Variants in SMYD3 observed in about 807,000 individuals in gnomAD.
The protein encoded by SMYD3 is histone-lysine N-methyltransferase SMYD3.
In SMYD3, 36 loss-of-function variants were observed where a neutral mutation model predicts 57.7. The observed-to-expected ratio is 0.62, with a 90% confidence interval of 0.48 to 0.82. The LOEUF (loss-of-function observed/expected upper bound fraction) is 0.82, where lower values mean the gene tolerates loss of function less well. Ranked by LOEUF, SMYD3 falls within the 40% of genes least tolerant of loss-of-function variation. The probability of loss-of-function intolerance (pLI) is 0.00; values close to 1 mark genes in which losing one functional copy is unlikely to be tolerated. For missense variants in SMYD3, 515 were observed against 538.8 expected, an observed-to-expected ratio of 0.96 and a Z score of 0.44; for synonymous variants, 211 against 195.0, an observed-to-expected ratio of 1.08 and a Z score of -0.68.
intron 5 of SMYD3, among the ~76,000 whole-genome samples, chr1:246,243,198 G>C (rs2063644852): frequency 6.6e-6 from 1 of 151,980 alleles, no homozygotes; most frequent in Admixed American, 6.6e-5. Flanking sequence ...TTATCTTTCA[G>C]AACTTTGAAA....
intron 11 of SMYD3, among the ~76,000 whole-genome samples, chr1:245,754,772 C>T (rs908775550): frequency 6.6e-6 from 1 of 152,236 alleles, no homozygotes; most frequent in Non-Finnish European, 1.5e-5. Flanking sequence ...TCAATACTGT[C>T]TGAGCAGCTT....
At chr1:246,094,871 G>A (rs1014008348) in intron 5 of SMYD3, among the ~76,000 whole-genome samples, 1 of 152,098 alleles carries the variant, frequency 6.6e-6, no homozygotes, top group Admixed American at 6.5e-5. Flanking sequence ...AGCGTATCTC[G>A]GAGCCTCTCT....
chr1:246,216,244 G>A (rs562939712), intron 5 of SMYD3, among the ~76,000 whole-genome samples: 5 of 149,842 alleles, frequency 3.3e-5, no homozygotes, highest in Admixed American at 6.7e-5. Context: ...CCGAGATAGC[G>A]CCATGGCACT....
At chr1:246,468,160 TA>T (rs58291905) in intron 1 of SMYD3, among the ~76,000 whole-genome samples, 6,533 of 130,340 alleles carry the variant, frequency 0.05, 465 homozygotes, top group African/African-American at 0.17. Context: ...GACTCTGTCT[TA>T]AAAAAAAAAA....
chr1:246,289,145 TGTTA>T (rs1175235822), intron 5 of SMYD3, among the ~76,000 whole-genome samples: 1 of 152,128 alleles, frequency 6.6e-6, no homozygotes, highest in African/African-American at 2.4e-5. Context: ...AAAAAGCGAT[TGTTA>T]ATTAAAATTA....
chr1:245,886,621 T>A (rs1035208017), intron 8 of SMYD3, among the ~76,000 whole-genome samples: 3 of 152,166 alleles, frequency 2.0e-5, no homozygotes, highest in Non-Finnish European at 4.4e-5. Context: ...TCATTCTTTG[T>A]GGGGGAGGAA....
chr1:246,211,025 T>C lies in SMYD3; in HGVS notation c.531+116176A>G, dbSNP rs543366306. Among the ~76,000 whole-genome samples, 7 of 152,262 alleles carry C rather than the reference T, an allele frequency of 4.6e-5. No individual in the cohort carries two copies. In the South Asian group the frequency reaches 1.5e-3, roughly 32 times the overall value. On this transcript the variant is annotated intron_variant, in intron 5 of 11. Transcript: ENST00000490107. ...TCAATGCTGTATTTCCTCTTCACCATTTTCCTGAAGATTGAGACACTGCTC... is the reference window on the plus strand; with the variant it reads ...TCAATGCTGTATTTCCTCTTCACCACTTTCCTGAAGATTGAGACACTGCTC...
intron 5 of SMYD3, among the ~76,000 whole-genome samples, chr1:246,015,341 T>C (rs2059359738): frequency 6.6e-6 from 1 of 152,182 alleles, no homozygotes; most frequent in South Asian, 2.1e-4. Context: ...AGTTCCCCTA[T>C]CCAACAATCT....
chr1:246,307,558 T>C (rs1277662544), intron 5 of SMYD3, among the ~76,000 whole-genome samples: 2 of 151,200 alleles, frequency 1.3e-5, no homozygotes, highest in Non-Finnish European at 3.0e-5. Context: ...TAGCTGGGAC[T>C]ACAGGCGCCC....
chr1:245,882,115 C>T (rs1021971182), intron 8 of SMYD3, among the ~76,000 whole-genome samples: 4 of 152,106 alleles, frequency 2.6e-5, no homozygotes, highest in African/African-American at 9.7e-5. Context: ...ACAGGCAGAC[C>T]GCTTAGGGAG....
chr1:245,824,267 C>A (rs535214806), intron 10 of SMYD3, among the ~76,000 whole-genome samples: 1 of 152,198 alleles, frequency 6.6e-6, no homozygotes, highest in African/African-American at 2.4e-5. Flanking sequence ...GCAAATGACA[C>A]GAAGGAAGAG....
chr1:246,091,625 C>T (rs1041981484), intron 5 of SMYD3, among the ~76,000 whole-genome samples: 2 of 152,280 alleles, frequency 1.3e-5, no homozygotes, highest in Admixed American at 6.5e-5. Flanking sequence ...TACCACTGCA[C>T]ACTGACAGGC....
At chr1:246,325,854 G>A (rs988026528) in intron 5 of SMYD3, 2 of 152,172 alleles carry the variant, frequency 1.3e-5, no homozygotes, top group African/African-American at 4.8e-5. Flanking sequence ...GTAGGTGTTC[G>A]TGTTTATAGT....
chr1:245,918,364 C>G (rs2055600965), intron 7 of SMYD3, among the ~76,000 whole-genome samples: 1 of 152,182 alleles, frequency 6.6e-6, no homozygotes, highest in African/African-American at 2.4e-5. Context: ...GCTTCTCATA[C>G]TTGGCAGGGA....
chr1:245,897,865 C>T (rs990218113), intron 8 of SMYD3, among the ~76,000 whole-genome samples: 1 of 151,636 alleles, frequency 6.6e-6, no homozygotes, highest in African/African-American at 2.4e-5. Flanking sequence ...TGCCACTGCA[C>T]TGCAGCCTAG....
intron 11 of SMYD3, among the ~76,000 whole-genome samples, chr1:245,754,399 A>G (rs1321222834): frequency 1.3e-5 from 2 of 152,138 alleles, no homozygotes; most frequent in African/African-American, 4.8e-5. Flanking sequence ...CATGATAAGA[A>G]CCCCTGGAAT....
chr1:246,458,709 G>A (rs1355333620), intron 1 of SMYD3, among the ~76,000 whole-genome samples: 2 of 134,540 alleles, frequency 1.5e-5, no homozygotes, highest in African/African-American at 5.6e-5. Flanking sequence ...CTCGTGATCC[G>A]CCCGCCTCAG....
intron 1 of SMYD3, among the ~76,000 whole-genome samples, chr1:246,472,514 G>A (rs553253050): frequency 6.6e-6 from 1 of 152,100 alleles, no homozygotes; most frequent in Non-Finnish European, 1.5e-5. Context: ...AGGCCAAGAC[G>A]GGCAGATCAG....
At position 245,859,735 on chromosome 1, in the gene SMYD3, T is replaced by C. The variant is rs534326048; in HGVS notation, c.902-1065A>G. ...TTCACCCAGTGGAGCTCCAAATTCA[T>C]CTGCTTCATATGTTGTCATTCCAGT... is the stretch of plus-strand genomic sequence containing the variant. On this transcript the variant is annotated intron_variant, in intron 9 of 11. Coordinates refer to ENST00000490107, the MANE Select transcript of SMYD3 (RefSeq NM_001167740.2). Among the ~76,000 whole-genome samples, 23 of 152,294 alleles carry C rather than the reference T, an allele frequency of 1.5e-4. 1 individual carries two copies. The highest frequency in any genetic ancestry group is 4.8e-4 in the African/African-American group (20 of 41,576).
Sources: allele counts gnomAD v4.1 joint callset (sites outside exome capture counted in the v4.1 genomes callset), GRCh38; gene constraint gnomAD v4.1.1; transcripts MANE v1.5; gene names NCBI Gene and HGNC (gene_info 2026-07-23, HGNC 2026-07-21).